The following TECPR2 variants were observed in gnomAD, a reference collection of about 807,000 sequenced individuals.
TECPR2 encodes tectonin beta-propeller repeat containing 2, also known as tectonin beta-propeller repeat-containing protein 2.
A neutral mutation model predicts 138.1 loss-of-function variants in TECPR2; 65 were observed. That is an observed-to-expected ratio of 0.47 (90% CI 0.39 to 0.58). The LOEUF (loss-of-function observed/expected upper bound fraction) is 0.58, where lower values mean the gene tolerates loss of function less well. Ranked by LOEUF, TECPR2 falls within the 20% of genes least tolerant of loss-of-function variation. TECPR2 has a pLI of 0.00. For missense variants in TECPR2, 1,553 were observed against 1,824.5 expected, an observed-to-expected ratio of 0.85 and a Z score of 2.71; for synonymous variants, 746 against 749.8, an observed-to-expected ratio of 0.99 and a Z score of 0.08.
At chr14:102,430,252 G>A (rs1033605201) in intron 7 of TECPR2, among the ~76,000 whole-genome samples, 3 of 152,196 alleles carry the variant, frequency 2.0e-5, no homozygotes, top group Non-Finnish European at 4.4e-5. Context: ...GGGATTACAG[G>A]CATGAGCCAC....
intron 17 of TECPR2, among the ~76,000 whole-genome samples, chr14:102,474,918 G>A (rs1357080300): frequency 6.6e-6 from 1 of 152,098 alleles, no homozygotes; most frequent in East Asian, 1.9e-4. Context: ...TCCTTCTGCA[G>A]ATGAGGAAAG....
intron 4 of TECPR2, among the ~76,000 whole-genome samples, chr14:102,414,019 T>A (rs1216036701): frequency 6.6e-6 from 1 of 152,220 alleles, no homozygotes; most frequent in African/African-American, 2.4e-5. Context: ...AGGCTGGTCT[T>A]GTAAAGTATC....
At chr14:102,478,451 C>G (rs11629309) in intron 17 of TECPR2, among the ~76,000 whole-genome samples, 23,767 of 151,536 alleles carry the variant, frequency 0.16, 2,053 homozygotes, top group South Asian at 0.31. Context: ...GAGGTCGAGG[C>G]GGGTAGATTG....
chr14:102,431,754 C>G (rs200464819), intron 7 of TECPR2, 42 bp from the exon 8 acceptor site: 34 of 1,512,110 alleles, frequency 2.2e-5, no homozygotes, highest in South Asian at 2.6e-5. Flanking sequence ...CATCAGCTCT[C>G]TCTTGGATCA....
chr14:102,444,550 A>G (rs1595129810), intron 12 of TECPR2, among the ~76,000 whole-genome samples: 1 of 151,830 alleles, frequency 6.6e-6, no homozygotes, highest in East Asian at 1.9e-4. Flanking sequence ...ACCATTCAAG[A>G]TGTTAGTTAT....
intron 2 of TECPR2, among the ~76,000 whole-genome samples, chr14:102,403,661 A>G (rs1799535739): frequency 6.6e-6 from 1 of 152,232 alleles, no homozygotes; most frequent in South Asian, 2.1e-4. Context: ...GAACTAATAC[A>G]TGAAACTGAC....
chr14:102,469,956 T>A (rs1302853804), intron 17 of TECPR2, among the ~76,000 whole-genome samples: 1 of 152,220 alleles, frequency 6.6e-6, no homozygotes, highest in Non-Finnish European at 1.5e-5. Context: ...GGTCATGATG[T>A]GAAATCCTTT....
chr14:102,374,273 C>A (rs1261885991), intron 1 of TECPR2, among the ~76,000 whole-genome samples: 1 of 152,116 alleles, frequency 6.6e-6, no homozygotes, highest in Non-Finnish European at 1.5e-5. Context: ...TTCAGAGAAA[C>A]TTCTCTAGTA....
At position 102,434,747 on chromosome 14, in the gene TECPR2, C is replaced by A. The variant is rs1889610322; in HGVS notation, c.1930C>A (p.Leu644Ile). ...CCAAAGCACTTTTTGTGAAGTCCCC[C>A]TCCTGAACTCACTCACTGTGCCTTC... ...GPQSTFCEVPLLNSLTVPSSL... is the reference protein window; with the variant it reads ...GPQSTFCEVPILNSLTVPSSL... The change falls in exon 9 of 20, where the codon CTC (leucine) becomes ATC (isoleucine). Residue 644 changes from leucine to isoleucine, a missense_variant. Physicochemically the swap from Leu to Ile is conservative, Grantham distance 5. Transcript: ENST00000359520. The A allele has an allele frequency of 6.2e-7, 1 of 1,613,498 alleles. No homozygotes were observed. Among genetic ancestry groups the A allele is most frequent in the East Asian group, 2.2e-5 (1 of 44,904 alleles).
At chr14:102,486,500 T>A (rs1386949984) in intron 17 of TECPR2, among the ~76,000 whole-genome samples, 3 of 152,176 alleles carry the variant, frequency 2.0e-5, no homozygotes, top group African/African-American at 7.2e-5. Context: ...TAAAATCTTG[T>A]ACATAAGCCA....
intron 2 of TECPR2, among the ~76,000 whole-genome samples, chr14:102,379,881 C>T (rs1012849341): frequency 2.7e-5 from 4 of 148,346 alleles, no homozygotes; most frequent in South Asian, 2.2e-4. Flanking sequence ...TGCACAGAGG[C>T]GTCCTAGTCA....
At chr14:102,386,778 G>C (rs1006061060) in intron 2 of TECPR2, among the ~76,000 whole-genome samples, 3 of 152,200 alleles carry the variant, frequency 2.0e-5, no homozygotes, top group Non-Finnish European at 2.9e-5. Flanking sequence ...CCAGTTATTA[G>C]TGGTTTAACC....
At position 102,443,663 on chromosome 14, in the gene TECPR2, C is replaced by G; in HGVS notation, c.2769C>G (p.Arg923=). ...LYLQTGLSVD[R]PCARAVKVDC... is the part of the protein sequence containing the mutation. Reference sequence around the variant, plus strand: ...TCCTGGCAGGTCTGAGCGTGGATCGCCCTTGTGCCAGAGCCGTAAAGGTGG... The same window carrying G: ...TCCTGGCAGGTCTGAGCGTGGATCGGCCTTGTGCCAGAGCCGTAAAGGTGG... Residue 923 remains arginine (R), a synonymous_variant, in exon 12 of 20, where the codon CGC becomes CGG. Coordinates refer to ENST00000359520, the MANE Select transcript of TECPR2 (RefSeq NM_014844.5). This position sits in a 1 kb window ranked among gnomAD's most constrained non-coding sequence, Gnocchi z 4.9. 6.3e-7 allele frequency: 1 copy of G among 1,598,672 alleles called. No individual in the cohort carries two copies. The highest frequency in any genetic ancestry group is 8.6e-7 in the Non-Finnish European group (1 of 1,168,914).
At chr14:102,491,428 C>T (rs1368386079) in intron 17 of TECPR2, among the ~76,000 whole-genome samples, 3 of 152,120 alleles carry the variant, frequency 2.0e-5, no homozygotes, top group African/African-American at 7.2e-5. Flanking sequence ...TGCCCAGGCT[C>T]GTCTCAAACT....
intron 8 of TECPR2, among the ~76,000 whole-genome samples, chr14:102,433,528 TA>T (rs146719166): frequency 0.027 from 4,110 of 151,966 alleles, 76 homozygotes; most frequent in Middle Eastern, 0.086. Context: ...ATTTATTTTT[TA>T]ATTTATTGGA....
chr14:102,408,501 A>G lies in TECPR2; in HGVS notation c.362A>G (p.Asp121Gly). ...CCTTGTTCATAGCTTCGGAGATTTG[A>G]TGTCACTGGTATTCACAAAAATAGC... ...PGRNKQLRRF[D>G]VTGIHKNSIT... is the part of the protein sequence containing the mutation. The change falls in exon 4 of 20, where the codon GAT becomes GGT. Residue 121 changes from aspartate to glycine, a missense_variant. Coordinates refer to ENST00000359520, the MANE Select transcript of TECPR2 (RefSeq NM_014844.5). The G allele has an allele frequency of 6.2e-7, 1 of 1,603,862 alleles. No individual in the cohort carries two copies. Among genetic ancestry groups the G allele is most frequent in the Non-Finnish European group, 8.5e-7 (1 of 1,177,430 alleles).
At chr14:102,370,285 G>C (rs1354793899) in intron 1 of TECPR2, among the ~76,000 whole-genome samples, 3 of 152,092 alleles carry the variant, frequency 2.0e-5, no homozygotes, top group Non-Finnish European at 4.4e-5. Flanking sequence ...TGGTCATGCT[G>C]GTCTCAAACT....
chr14:102,392,005 T>G (rs1394892527), intron 2 of TECPR2, among the ~76,000 whole-genome samples: 1 of 152,202 alleles, frequency 6.6e-6, no homozygotes, highest in Non-Finnish European at 1.5e-5. Context: ...TTGTTTTGTT[T>G]TAGACAGAGT....
At chr14:102,438,847 TTTTCTTTC>T (rs983667268) in intron 10 of TECPR2, among the ~76,000 whole-genome samples, 1 of 151,284 alleles carries the variant, frequency 6.6e-6, no homozygotes, top group Non-Finnish European at 1.5e-5. Flanking sequence ...TTTGCTTGCT[TTTTCTTTC>T]TTTCTTTCTT....
Sources: allele counts gnomAD v4.1 joint callset (sites outside exome capture counted in the v4.1 genomes callset), GRCh38; gene constraint gnomAD v4.1.1; non-coding constraint Gnocchi (gnomAD v3.1); transcripts MANE v1.5; gene names NCBI Gene and HGNC (gene_info 2026-07-23, HGNC 2026-07-21).